PTPRT: variants seen among roughly 807,000 people sequenced by gnomAD.
The protein encoded by PTPRT is protein tyrosine phosphatase receptor type T, also known as receptor-type tyrosine-protein phosphatase T.
PTPRT carries 56 observed loss-of-function variants against 176.8 expected under a neutral mutation model. That is an observed-to-expected ratio of 0.32 (90% CI 0.26 to 0.40). The LOEUF is 0.40. PTPRT is among the 10% of genes least tolerant of loss of function. PTPRT has a pLI of 1.00. For missense variants in PTPRT, 1,540 were observed against 1,908.2 expected, an observed-to-expected ratio of 0.81 and a Z score of 3.60; for synonymous variants, 783 against 739.0, an observed-to-expected ratio of 1.06 and a Z score of -0.96.
At chr20:42,504,223 G>C (rs1228057305) in intron 7 of PTPRT, among the ~76,000 whole-genome samples, 1 of 151,966 alleles carries the variant, frequency 6.6e-6, no homozygotes, top group African/African-American at 2.4e-5. Context: ...CTAATTATGT[G>C]TGGGCCCAAA....
intron 27 of PTPRT, among the ~76,000 whole-genome samples, chr20:42,087,323 C>A (rs187537076): frequency 6.6e-6 from 1 of 152,026 alleles, no homozygotes; most frequent in Non-Finnish European, 1.5e-5. Flanking sequence ...CTCTGCCTCC[C>A]GGGTTCAAGT....
At chr20:42,276,570 A>G (rs2057043316) in intron 13 of PTPRT, among the ~76,000 whole-genome samples, 1 of 109,852 alleles carries the variant, frequency 9.1e-6, no homozygotes, top group African/African-American at 3.3e-5. Flanking sequence ...ATGTTCTTGA[A>G]TACTTGGTAG....
intron 9 of PTPRT, among the ~76,000 whole-genome samples, chr20:42,353,108 A>G (rs1435735667): frequency 6.6e-6 from 1 of 152,170 alleles, no homozygotes; most frequent in Non-Finnish European, 1.5e-5. Context: ...GCGCTTCTTC[A>G]TTTGGACTAG....
At chr20:42,736,041 C>T (rs1170694529) in intron 6 of PTPRT, among the ~76,000 whole-genome samples, 4 of 152,174 alleles carry the variant, frequency 2.6e-5, no homozygotes, top group Non-Finnish European at 4.4e-5. Context: ...CATGGGAGTG[C>T]CACCAACTGA....
chr20:42,080,956 G>A (rs1325787364), intron 30 of PTPRT, 24 bp from the exon 31 acceptor site: 7 of 1,541,898 alleles, frequency 4.5e-6, no homozygotes, highest in Non-Finnish European at 6.3e-6. Context: ...AGGAGCAGAG[G>A]CAGAGAGGGA....
intron 7 of PTPRT, among the ~76,000 whole-genome samples, chr20:42,637,276 T>C (rs1482058043): frequency 6.6e-6 from 1 of 152,174 alleles, no homozygotes; most frequent in African/African-American, 2.4e-5. Context: ...ACTGTCTCCT[T>C]CTCACTGGGC....
chr20:42,692,192 C>G (rs2075804004), intron 6 of PTPRT, among the ~76,000 whole-genome samples: 1 of 152,184 alleles, frequency 6.6e-6, no homozygotes, highest in South Asian at 2.1e-4. Context: ...TACTTCCAAA[C>G]TTACTTTACA....
At chr20:42,694,035 A>C (rs55717128) in intron 6 of PTPRT, among the ~76,000 whole-genome samples, 72,066 of 143,598 alleles carry the variant, frequency 0.5, 20,063 homozygotes, top group African/African-American at 0.78. Context: ...CTTTTATTTT[A>C]TTTTCTTTTT....
At chr20:42,808,269 A>G (rs11697780) in intron 2 of PTPRT, among the ~76,000 whole-genome samples, 64,312 of 151,796 alleles carry the variant, frequency 0.42, 14,571 homozygotes, top group Non-Finnish European at 0.51. Context: ...CCTAATAAAC[A>G]CTCATCTCCA....
At chr20:42,585,223 C>A (rs1486441764) in intron 7 of PTPRT, among the ~76,000 whole-genome samples, 4 of 152,084 alleles carry the variant, frequency 2.6e-5, no homozygotes, top group Non-Finnish European at 5.9e-5. Context: ...ATCCCAGCAT[C>A]CCAGATAGAG....
chr20:42,539,561 A>G (rs140293220), intron 7 of PTPRT, among the ~76,000 whole-genome samples: 15 of 152,006 alleles, frequency 9.9e-5, no homozygotes, highest in African/African-American at 1.9e-4. Context: ...AGATACCTGG[A>G]GAAAGCATCA....
chr20:42,389,144 G>A (rs1361228497), intron 9 of PTPRT, among the ~76,000 whole-genome samples: 1 of 127,392 alleles, frequency 7.8e-6, no homozygotes, highest in Non-Finnish European at 1.6e-5. Context: ...GGGGAGGGGG[G>A]AGGGATAGCA....
intron 1 of PTPRT, among the ~76,000 whole-genome samples, chr20:42,997,828 A>G: frequency 6.6e-6 from 1 of 152,190 alleles, no homozygotes; most frequent in South Asian, 2.1e-4. Context: ...ACCAGGATTC[A>G]ATCCGAGGCC....
At chr20:42,436,360 T>C (rs1346528369) in intron 9 of PTPRT, among the ~76,000 whole-genome samples, 6 of 151,984 alleles carry the variant, frequency 3.9e-5, no homozygotes, top group Non-Finnish European at 5.9e-5. Flanking sequence ...CTATTACATA[T>C]CAATAAAGAA....
chr20:42,299,837 T>C (rs1193086485), intron 12 of PTPRT, among the ~76,000 whole-genome samples: 2 of 151,582 alleles, frequency 1.3e-5, no homozygotes, highest in Non-Finnish European at 2.9e-5. Context: ...TTAGTAGAGA[T>C]GGGGTTTCAC....
intron 1 of PTPRT, among the ~76,000 whole-genome samples, chr20:43,072,022 T>G (rs1256855780): frequency 2.0e-5 from 3 of 152,196 alleles, no homozygotes; most frequent in Admixed American, 2.0e-4. Context: ...CTCTCTAGAC[T>G]GTGAGCCTCT....
Position 43,189,652 on chromosome 20 carries a change from C to G in PTPRT, c.82G>C (p.Ala28Pro). The part of the protein sequence containing the change: ...PPLPGARAQS[A>P]AGGCSFDEHY... ...GCCGGGCGGGCGCACTCACCTGCGG[C>G]GCTCTGAGCCCGGGCGCCGGGCAGT... The change falls in exon 1 of 31, where the codon GCC becomes CCC. Residue 28 changes from alanine to proline, a missense_variant. Ala to Pro is a conservative substitution (Grantham distance 27, BLOSUM62 -1). This residue lies in a region of PTPRT where 116 missense variants were observed against 118.5 expected (regional missense o/e 0.98). Transcript: ENST00000373187. The surrounding 1 kb of genome is among the most constrained non-coding windows in gnomAD (Gnocchi z 5.0). 2 of 1,302,640 alleles carry G rather than the reference C, an allele frequency of 1.5e-6. No individual in the cohort carries two copies. Among genetic ancestry groups the G allele is most frequent in the Non-Finnish European group, 1.9e-6 (2 of 1,026,688 alleles). The allele number at this position is 1,302,640 out of a possible 1,614,324, so 80.7% of individuals were successfully genotyped here.
intron 17 of PTPRT, among the ~76,000 whole-genome samples, chr20:42,159,827 G>A (rs1010119581): frequency 6.6e-6 from 1 of 152,112 alleles, no homozygotes; most frequent in African/African-American, 2.4e-5. Flanking sequence ...GATAGGTCCT[G>A]AGAGATCACC....
At chr20:43,116,004 T>C (rs1167139481) in intron 1 of PTPRT, among the ~76,000 whole-genome samples, 1 of 152,228 alleles carries the variant, frequency 6.6e-6, no homozygotes, top group African/African-American at 2.4e-5. Flanking sequence ...GGGTACTCAC[T>C]GAAAACCTTA....
Sources: allele counts gnomAD v4.1 joint callset (sites outside exome capture counted in the v4.1 genomes callset), GRCh38; gene constraint gnomAD v4.1.1; regional missense constraint gnomAD v4.1.1; non-coding constraint Gnocchi (gnomAD v3.1); transcripts MANE v1.5; gene names NCBI Gene and HGNC (gene_info 2026-07-23, HGNC 2026-07-21).